The following DCAF13 variants were observed in gnomAD, a reference collection of about 807,000 sequenced individuals.
DCAF13 encodes the protein DDB1- and CUL4-associated factor 13.
In DCAF13, 38 loss-of-function variants were observed where a neutral mutation model predicts 59.0. That is an observed-to-expected ratio of 0.64 (90% CI 0.50 to 0.84). DCAF13 has a LOEUF of 0.84. Among genes scored for constraint, DCAF13 ranks in the 40% least tolerant of loss-of-function variants. The pLI, the probability that DCAF13 is intolerant of heterozygous loss-of-function variation, is 0.00. For missense variants in DCAF13, 469 were observed against 558.4 expected (o/e 0.84, Z 1.61); for synonymous variants, 173 against 175.0 (o/e 0.99, Z 0.09).
chr8:103,416,089 T>A (rs1222611591), intron 1 of DCAF13, among the ~76,000 whole-genome samples: 1 of 152,214 alleles, frequency 6.6e-6, no homozygotes, highest in Admixed American at 6.5e-5. Flanking sequence ...GATACCTAAA[T>A]GACAAGGGAC....
At chr8:103,421,160 G>A in intron 3 of DCAF13, 78 bp downstream of exon 3, 2 of 1,039,194 alleles carry the variant, frequency 1.9e-6, no homozygotes, top group Non-Finnish European at 3.0e-6. Context: ...TTTTTTTCAA[G>A]TTCATTTATT....
chr8:103,437,491 A>T (rs888934077), intron 8 of DCAF13, among the ~76,000 whole-genome samples: 1 of 152,174 alleles, frequency 6.6e-6, no homozygotes, highest in African/African-American at 2.4e-5. Flanking sequence ...AACTCACATT[A>T]TTCCAAAATT....
At chr8:103,440,462 C>T in intron 9 of DCAF13, 191 bp downstream of exon 9, 1 of 417,806 alleles carries the variant, frequency 2.4e-6, no homozygotes. Flanking sequence ...TTATTGTAGA[C>T]ACTGTACATT....
intron 7 of DCAF13, among the ~76,000 whole-genome samples, chr8:103,434,066 A>G (rs1454101695): frequency 6.6e-6 from 1 of 152,146 alleles, no homozygotes; most frequent in Non-Finnish European, 1.5e-5. Flanking sequence ...CCTTATAATA[A>G]GTGACTGTTG....
chr8:103,418,582 A>G (rs1054420216), intron 1 of DCAF13, among the ~76,000 whole-genome samples: 44 of 151,748 alleles, frequency 2.9e-4, no homozygotes, highest in Non-Finnish European at 4.6e-4. Flanking sequence ...GAGAGTTGAA[A>G]GATGAGTAAG....
intron 3 of DCAF13, among the ~76,000 whole-genome samples, chr8:103,422,991 T>G (rs1361588382): frequency 6.6e-6 from 1 of 151,744 alleles, no homozygotes; most frequent in Non-Finnish European, 1.5e-5. Flanking sequence ...AAGATTCGGT[T>G]TTGGTGTAAA....
intron 3 of DCAF13, among the ~76,000 whole-genome samples, chr8:103,421,921 G>A (rs1816727705): frequency 6.6e-6 from 1 of 152,144 alleles, no homozygotes; most frequent in Admixed American, 6.5e-5. Context: ...GTGTTGCCGT[G>A]ACCATTGGTG....
chr8:103,440,308 G>T (rs757364367), intron 9 of DCAF13, 37 bp downstream of exon 9: 3 of 1,491,600 alleles, frequency 2.0e-6, no homozygotes, highest in South Asian at 1.4e-5. Flanking sequence ...TCATAAAGCT[G>T]ATTTCTAATT....
intron 1 of DCAF13, among the ~76,000 whole-genome samples, chr8:103,418,920 G>T (rs1234918509): frequency 1.8e-5 from 2 of 110,602 alleles, no homozygotes; most frequent in Non-Finnish European, 3.4e-5. Context: ...GTCACACTCT[G>T]TCAGCCAGGC....
Position 103,442,718 on chromosome 8 carries a change from G to A in DCAF13, c.1251-77G>A, listed in dbSNP as rs2304502. On this transcript the variant is annotated intron_variant, in intron 10 of 10. Transcript: ENST00000612750. ...AGGTGTTTTTCTAGTGAAAGAAAAT[G>A]CTTTGATTTTTCTGAGAAAGTTTTC... 2,408 of 960,094 alleles carry A rather than the reference G, an allele frequency of 2.5e-3. 60 individuals are homozygous for A. In the East Asian group the frequency reaches 0.047, roughly 19 times the overall value. 59.5% of individuals were successfully genotyped at this position (960,094 alleles called of 1,614,324 possible). A position where few individuals can be genotyped will look rare whatever the true frequency, so the allele number is the denominator to read the frequency against.
At chr8:103,427,356 T>C in intron 5 of DCAF13, 104 bp downstream of exon 5, 1 of 1,044,974 alleles carries the variant, frequency 9.6e-7, no homozygotes, top group Admixed American at 2.7e-5. Context: ...ATTTTAATGG[T>C]GTTTTGGCAT....
At chr8:103,437,504 A>G (rs932374908) in intron 8 of DCAF13, among the ~76,000 whole-genome samples, 1 of 152,210 alleles carries the variant, frequency 6.6e-6, no homozygotes, top group African/African-American at 2.4e-5. Context: ...CCAAAATTGT[A>G]TAAAAGGGTT....
chr8:103,436,770 T>C (rs370260727), intron 8 of DCAF13, among the ~76,000 whole-genome samples: 2 of 152,164 alleles, frequency 1.3e-5, no homozygotes, highest in East Asian at 3.9e-4. Flanking sequence ...ATTCCCATTG[T>C]TCCTTAGTAA....
At chr8:103,427,360 T>C in intron 5 of DCAF13, 108 bp downstream of exon 5, 2 of 1,013,542 alleles carry the variant, frequency 2.0e-6, no homozygotes, top group Non-Finnish European at 2.9e-6. Context: ...TAATGGTGTT[T>C]TGGCATTTTG....
At position 103,416,652 on chromosome 8, in the gene DCAF13, T is replaced by C. The variant is rs555330515; in HGVS notation, c.70+1136T>C. On this transcript the variant is annotated intron_variant, in intron 1 of 10. Coordinates refer to ENST00000612750, the MANE Select transcript of DCAF13 (RefSeq NM_015420.7). ...CCGTCTTCTGTGATTCTATCACTTC[T>C]TCACAGTGTTTATCACATTGTCTCA... 3.9e-5 allele frequency among the ~76,000 whole-genome samples: 6 copies of C among 152,342 alleles called. No homozygotes were observed. The South Asian group carries it at 8.3e-4, about 21-fold the overall frequency.
At chr8:103,442,774 T>C in intron 10 of DCAF13, 21 bp from the exon 11 acceptor site, 1 of 1,523,880 alleles carries the variant, frequency 6.6e-7, no homozygotes, top group Non-Finnish European at 8.8e-7. Flanking sequence ...CTTGCTTATA[T>C]TTTGTATATT....
intron 7 of DCAF13, among the ~76,000 whole-genome samples, chr8:103,433,330 C>T (rs1219745445): frequency 2.0e-5 from 3 of 152,082 alleles, no homozygotes; most frequent in Non-Finnish European, 4.4e-5. Context: ...TTATAGTTAT[C>T]TTTTCAGTAT....
intron 3 of DCAF13, among the ~76,000 whole-genome samples, chr8:103,424,688 A>G (rs897902475): frequency 3.3e-5 from 5 of 152,204 alleles, no homozygotes; most frequent in African/African-American, 9.6e-5. Flanking sequence ...TGCAGACACT[A>G]TCAGAAACTT....
chr8:103,430,764 A>G (rs1816853011), intron 6 of DCAF13, 75 bp downstream of exon 6: 1 of 1,029,678 alleles, frequency 9.7e-7, no homozygotes, highest in South Asian at 1.6e-5. Flanking sequence ...GACTAACAAT[A>G]TGGAGCAAAT....
Sources: allele counts gnomAD v4.1 joint callset (sites outside exome capture counted in the v4.1 genomes callset), GRCh38; gene constraint gnomAD v4.1.1; transcripts MANE v1.5; gene names NCBI Gene and HGNC (gene_info 2026-07-23, HGNC 2026-07-21).